MYOF: variants seen among roughly 807,000 people sequenced by gnomAD.
MYOF encodes the protein myoferlin, also known as fer-1-like 3, myoferlin.
Under a neutral mutation model 284.2 loss-of-function variants are expected in MYOF, and 244 were observed. That is an observed-to-expected ratio of 0.86 (90% CI 0.77 to 0.95). The LOEUF is 0.95. Among genes scored for constraint, MYOF ranks in the 40% least tolerant of loss-of-function variants. MYOF has a pLI of 0.00. For synonymous variants in MYOF, 904 were observed against 919.7 expected, an observed-to-expected ratio of 0.98 and a Z score of 0.31; for missense variants, 2,496 against 2,560.6, an observed-to-expected ratio of 0.97 and a Z score of 0.54.
chr10:93,333,519 CG>C (rs71483113), intron 42 of MYOF, among the ~76,000 whole-genome samples: 3 of 146,122 alleles, frequency 2.1e-5, no homozygotes, highest in Admixed American at 1.4e-4. Flanking sequence ...TGGCAGGGGG[CG>C]GGGGGGAGTC....
At chr10:93,405,358 G>A (rs559023734) in intron 7 of MYOF, among the ~76,000 whole-genome samples, 5 of 152,286 alleles carry the variant, frequency 3.3e-5, no homozygotes, top group South Asian at 2.1e-4. Context: ...AGAATCATAC[G>A]TTGCATTTCG....
intron 21 of MYOF, among the ~76,000 whole-genome samples, chr10:93,379,556 C>T (rs140100886): frequency 0.01 from 1,532 of 152,236 alleles, 18 homozygotes; most frequent in Non-Finnish European, 0.016. Context: ...GTCATCTTCT[C>T]CCCACTGTTT....
intron 3 of MYOF, among the ~76,000 whole-genome samples, chr10:93,446,204 C>T (rs1274984677): frequency 0.048 from 7,243 of 152,090 alleles, 564 homozygotes; most frequent in African/African-American, 0.16. Flanking sequence ...CAGGGTCGGC[C>T]TTCCACTGCA....
In MYOF at chr10:93,333,306, G is replaced by T. The variant is rs1843424103; in HGVS notation, c.4726C>A (p.Pro1576Thr). ...TTGCCCAGTGTTATTTTTATGTAAG[G>T]GTCACACTGTGGGACAAAATAGACG... ...QPQDNNGLCDPYIKITLGKKV... is the reference protein window; with the variant it reads ...QPQDNNGLCDTYIKITLGKKV... The change falls in exon 43 of 54, where the codon CCT becomes ACT. Residue 1576 changes from proline (P) to threonine (T), a missense_variant. Transcript: ENST00000359263. 6.2e-7 allele frequency: 1 copy of T among 1,613,530 alleles called. No homozygotes were observed. The highest frequency in any genetic ancestry group is 8.5e-7 in the Non-Finnish European group (1 of 1,179,488).
intron 11 of MYOF, among the ~76,000 whole-genome samples, chr10:93,401,804 TGTGTGTGTGTGTGTGTGTGTGTGTGTGA>T (rs1436048216): frequency 1.4e-5 from 1 of 73,048 alleles, no homozygotes; most frequent in Non-Finnish European, 3.8e-5. Flanking sequence ...TGTGTGTGTG[TGTGTGTGTGTGTGTGTGTGTGTGTGTGA>T]TCCTGATGTC....
At chr10:93,364,105 A>AACTTG in intron 26 of MYOF, 30 bp from the exon 27 acceptor site, 1 of 1,589,916 alleles carries the variant, frequency 6.3e-7, no homozygotes. Context: ...CAAGTTACCC[A>AACTTG]AGGAGACCGG....
rs190106968 is a variant in MYOF, at chr10:93,423,571, C to T, written c.433+2500G>A. ...AAAAAAAGCCGAGTGCAGTGGTTTA[C>T]GCCTGTAATCCCAGCACTTTGGGAG... On this transcript the variant is annotated intron_variant, in intron 5 of 53. Coordinates refer to ENST00000359263, the MANE Select transcript of MYOF (RefSeq NM_013451.4). Among the ~76,000 whole-genome samples the T allele has an allele frequency of 1.3e-3, 178 of 136,188 alleles. 1 individual carries two copies. The highest frequency in any genetic ancestry group is 6.3e-3 in the Middle Eastern group (1 of 160). 89.3% of individuals were successfully genotyped at this position (136,188 alleles called of 152,430 possible).
chr10:93,456,771 T>C (rs745642505), intron 2 of MYOF, 111 bp downstream of exon 2: 6 of 771,248 alleles, frequency 7.8e-6, no homozygotes, highest in Non-Finnish European at 1.1e-5. Context: ...TGGGTGGGGG[T>C]GAAATGTAGA....
At position 93,408,912 on chromosome 10, in the gene MYOF, G is replaced by C; in HGVS notation, c.604C>G (p.Arg202Gly). The C allele has an allele frequency of 6.2e-7, 1 of 1,614,116 alleles. No individual in the cohort carries two copies. The highest frequency in any genetic ancestry group is 1.1e-5 in the South Asian group (1 of 91,062). The change falls in exon 7 of 54, where the codon CGC (arginine) becomes GGC (glycine). Residue 202 changes from arginine (R) to glycine (G), a missense_variant. Coordinates refer to ENST00000359263, the MANE Select transcript of MYOF (RefSeq NM_013451.4). ...TGTCGGCCCTCAATCACTCGGACGC[G>C]GATCTGCAGCACAGAAGGGGGATGG... The part of the protein sequence containing the change: ...LSNKPQDFQI[R>G]VRVIEGRQLS...
intron 38 of MYOF, 77 bp from the exon 39 acceptor site, chr10:93,340,241 T>C: frequency 1.3e-6 from 2 of 1,524,866 alleles, no homozygotes; most frequent in Non-Finnish European, 1.8e-6. Flanking sequence ...CCCAGGAACA[T>C]GAAGTTTAAA....
chr10:93,357,932 G>A (rs752333161), intron 29 of MYOF, among the ~76,000 whole-genome samples: 14 of 152,178 alleles, frequency 9.2e-5, no homozygotes, highest in Non-Finnish European at 1.9e-4. Context: ...CCTGTCAGAC[G>A]GGGATAATTA....
chr10:93,328,988 G>A lies in MYOF; in HGVS notation c.4983-77C>T, dbSNP rs1843182443. The A allele has an allele frequency of 4.9e-6, 7 of 1,428,250 alleles. No homozygotes were observed. The Admixed American group carries it at 7.6e-5, about 15-fold the overall frequency. 88.5% of individuals were successfully genotyped at this position (1,428,250 alleles called of 1,614,324 possible). On this transcript the variant is annotated intron_variant, in intron 44 of 53. Coordinates refer to ENST00000359263, the MANE Select transcript of MYOF (RefSeq NM_013451.4). ...CTCAGATTCACACATACATGCTCAT[G>A]TACTCTTAGGTGCTCCCATATAGTG...
At chr10:93,359,267 A>AC (rs1844952320) in intron 29 of MYOF, among the ~76,000 whole-genome samples, 2 of 152,346 alleles carry the variant, frequency 1.3e-5, no homozygotes, top group Admixed American at 1.3e-4. Flanking sequence ...ACCTTACAGA[A>AC]CATAGATGAT....
intron 37 of MYOF, among the ~76,000 whole-genome samples, chr10:93,345,782 T>C (rs1042509542): frequency 2.0e-5 from 3 of 152,188 alleles, no homozygotes; most frequent in Admixed American, 1.3e-4. Flanking sequence ...TCTTAACCTA[T>C]CACTGGTTTT....
chr10:93,404,193 G>A lies in MYOF; in HGVS notation c.756C>T (p.Thr252=). The change falls in exon 8 of 54, where the codon ACC becomes ACT. Residue 252 remains threonine, a synonymous_variant. Coordinates refer to ENST00000359263, the MANE Select transcript of MYOF (RefSeq NM_013451.4). ...DELFFYNVNM[T]PSELMDEIIS... ...TGATCTCATCCATCAATTCAGAAGG[G>A]GTCATGTTGACATTGTAGAAAAACA... is the stretch of plus-strand genomic sequence containing the variant. 1 of 1,614,054 alleles carries A rather than the reference G, an allele frequency of 6.2e-7. No homozygotes were observed. Among genetic ancestry groups the A allele is most frequent in the African/African-American group, 1.3e-5 (1 of 75,008 alleles).
At chr10:93,396,394 A>G (rs1384800290) in intron 15 of MYOF, among the ~76,000 whole-genome samples, 170 bp from the exon 16 acceptor site, 2 of 152,238 alleles carry the variant, frequency 1.3e-5, no homozygotes, top group Non-Finnish European at 2.9e-5. Flanking sequence ...TTAGTAATCA[A>G]CTAGAGACTT....
At chr10:93,435,153 A>G (rs938536059) in intron 3 of MYOF, among the ~76,000 whole-genome samples, 1 of 152,216 alleles carries the variant, frequency 6.6e-6, no homozygotes, top group Non-Finnish European at 1.5e-5. Flanking sequence ...TAACCCTAGG[A>G]CTAAGACAGC....
intron 16 of MYOF, among the ~76,000 whole-genome samples, 160 bp from the exon 17 acceptor site, chr10:93,393,115 T>C (rs1027605557): frequency 6.6e-6 from 1 of 152,152 alleles, no homozygotes; most frequent in Non-Finnish European, 1.5e-5. Context: ...TTGTAATGTA[T>C]ACAATTCTCA....
chr10:93,373,361 T>C (rs551432376), intron 23 of MYOF, among the ~76,000 whole-genome samples: 1 of 152,272 alleles, frequency 6.6e-6, no homozygotes, highest in South Asian at 2.1e-4. Flanking sequence ...CTGGGAGGTA[T>C]CTTAGAAAAT....
Sources: allele counts gnomAD v4.1 joint callset (sites outside exome capture counted in the v4.1 genomes callset), GRCh38; gene constraint gnomAD v4.1.1; transcripts MANE v1.5; gene names NCBI Gene and HGNC (gene_info 2026-07-23, HGNC 2026-07-21).